The following KCNQ5 variants were observed in gnomAD, a reference collection of about 807,000 sequenced individuals.
KCNQ5 encodes potassium voltage-gated channel subfamily KQT member 5.
A neutral mutation model predicts 98.2 loss-of-function variants in KCNQ5; 30 were observed. That is an observed-to-expected ratio of 0.31 (90% CI 0.23 to 0.41). KCNQ5 has a LOEUF of 0.41. Ranked by LOEUF, KCNQ5 falls within the 10% of genes least tolerant of loss-of-function variation. The probability of loss-of-function intolerance (pLI) is 1.00; values close to 1 mark genes in which losing one functional copy is unlikely to be tolerated. For synonymous variants in KCNQ5, 458 were observed against 449.4 expected (o/e 1.02, Z -0.24); for missense variants, 835 against 1,182.5 (o/e 0.71, Z 4.31).
chr6:72,922,818 T>TTTTTC (rs1279194267), intron 1 of KCNQ5, among the ~76,000 whole-genome samples: 4 of 141,594 alleles, frequency 2.8e-5, no homozygotes, highest in Non-Finnish European at 4.6e-5. Context: ...TTCTTTTTTT[T>TTTTTC]TTTTTTTTTT....
intron 3 of KCNQ5, among the ~76,000 whole-genome samples, chr6:73,050,300 A>AAGGAAGGAAGGAAGGG (rs1772169967): frequency 7.7e-6 from 1 of 130,310 alleles, no homozygotes; most frequent in African/African-American, 2.9e-5. Context: ...GGAAGGAAGG[A>AAGGAAGGAAGGAAGGG]AGGAAGGAAG....
rs769303139 is a variant in KCNQ5 at position 73,194,848 on chromosome 6, C to G, written c.2233C>G (p.Pro745Ala). Residue 745 changes from proline to alanine, a missense_variant, in exon 14 of 14, where the codon CCA becomes GCA. By Grantham distance (27) the Pro-to-Ala change is conservative. Coordinates refer to ENST00000370398, the MANE Select transcript of KCNQ5 (RefSeq NM_019842.4). ...AAATACGGCACCCAAGCCAGCAGCCCCAACAACTTTACAGATCCCACCTCC... is the reference window on the plus strand; with the variant it reads ...AAATACGGCACCCAAGCCAGCAGCCGCAACAACTTTACAGATCCCACCTCC... ...QINTAPKPAA[P>A]TTLQIPPPLP... 1 of 1,614,134 alleles carries G rather than the reference C, an allele frequency of 6.2e-7. No individual in the cohort carries two copies. The highest frequency in any genetic ancestry group is 1.3e-5 in the African/African-American group (1 of 75,032).
intron 1 of KCNQ5, among the ~76,000 whole-genome samples, chr6:72,885,496 A>G (rs1778813622): frequency 6.6e-6 from 1 of 152,208 alleles, no homozygotes; most frequent in African/African-American, 2.4e-5. Flanking sequence ...AATGTACTAA[A>G]TATTATAAAA....
At chr6:72,735,924 T>C (rs1582193866) in intron 1 of KCNQ5, among the ~76,000 whole-genome samples, 1 of 152,138 alleles carries the variant, frequency 6.6e-6, no homozygotes, top group African/African-American at 2.4e-5. Flanking sequence ...CTTTTTAAGC[T>C]AAAAACTTAA....
chr6:72,799,615 G>A (rs1466953013), intron 1 of KCNQ5, among the ~76,000 whole-genome samples: 1 of 152,204 alleles, frequency 6.6e-6, no homozygotes, highest in Admixed American at 6.5e-5. Flanking sequence ...CTACAGTCCA[G>A]TCTAGTAACA....
chr6:73,034,876 C>G (rs1258348779), intron 2 of KCNQ5, among the ~76,000 whole-genome samples: 3 of 139,768 alleles, frequency 2.1e-5, no homozygotes, highest in South Asian at 2.3e-4. Flanking sequence ...GACAGTATCT[C>G]GCTCTGTTGC....
intron 1 of KCNQ5, among the ~76,000 whole-genome samples, chr6:72,683,460 C>G (rs372391949): frequency 6.0e-5 from 9 of 150,484 alleles, no homozygotes; most frequent in Admixed American, 5.3e-4. Flanking sequence ...CTCTGCCTCC[C>G]GGGTTCACGC....
At chr6:72,965,584 ATC>A in intron 1 of KCNQ5, among the ~76,000 whole-genome samples, 1 of 152,284 alleles carries the variant, frequency 6.6e-6, no homozygotes, top group East Asian at 1.9e-4. Flanking sequence ...GAAGTGTGTC[ATC>A]TGAGCAGATG....
intron 3 of KCNQ5, among the ~76,000 whole-genome samples, chr6:73,063,728 TA>T (rs61074153): frequency 0.05 from 5,925 of 118,928 alleles, 285 homozygotes; most frequent in African/African-American, 0.13. Flanking sequence ...AGATGATAGA[TA>T]GATAGATAGA....
chr6:73,057,197 A>T (rs1406160199), intron 3 of KCNQ5, among the ~76,000 whole-genome samples: 3 of 152,144 alleles, frequency 2.0e-5, no homozygotes, highest in African/African-American at 7.2e-5. Flanking sequence ...ATGAAGCTGG[A>T]AACCATCATT....
intron 1 of KCNQ5, among the ~76,000 whole-genome samples, chr6:72,798,220 A>C (rs1774442488): frequency 6.6e-6 from 1 of 152,194 alleles, no homozygotes; most frequent in African/African-American, 2.4e-5. Context: ...GATACTTCTT[A>C]TCTCAATATT....
chr6:73,127,069 T>G (rs907521191), intron 9 of KCNQ5, among the ~76,000 whole-genome samples: 2 of 152,208 alleles, frequency 1.3e-5, no homozygotes, highest in South Asian at 4.1e-4. Context: ...GAATTTATAA[T>G]CCTGCATAAT....
chr6:73,020,120 C>T (rs868020251), intron 2 of KCNQ5, among the ~76,000 whole-genome samples: 11 of 152,210 alleles, frequency 7.2e-5, no homozygotes, highest in Middle Eastern at 3.4e-3. Context: ...TGGGTGTCCT[C>T]TAATTCAATT....
chr6:73,098,678 A>C lies in KCNQ5; in HGVS notation c.919-6579A>C, dbSNP rs1050875713. On this transcript the variant is annotated intron_variant, in intron 5 of 13. Coordinates refer to ENST00000370398, the MANE Select transcript of KCNQ5 (RefSeq NM_019842.4). ...CAAAAATAGCCTTCATGAAGGAGAA[A>C]TAAAGACTTTCCCAGACAAACAAAA... 2.0e-5 allele frequency among the ~76,000 whole-genome samples: 3 copies of C among 152,200 alleles called. No homozygotes were observed. In the South Asian group the frequency reaches 6.2e-4, roughly 31 times the overall value.
intron 11 of KCNQ5, among the ~76,000 whole-genome samples, chr6:73,170,686 C>G (rs1232139413): frequency 6.6e-6 from 1 of 152,100 alleles, no homozygotes; most frequent in African/African-American, 2.4e-5. Context: ...GTAATCCCAG[C>G]ACTTTCGGAG....
intron 1 of KCNQ5, among the ~76,000 whole-genome samples, chr6:72,938,554 A>AT (rs35080104): frequency 4.0e-5 from 6 of 150,976 alleles, no homozygotes; most frequent in African/African-American, 1.2e-4. Context: ...TAATTCTTGT[A>AT]TTTTTTTTTT....
intron 10 of KCNQ5, among the ~76,000 whole-genome samples, chr6:73,162,336 T>C (rs1310533234): frequency 6.6e-6 from 1 of 152,220 alleles, no homozygotes; most frequent in Non-Finnish European, 1.5e-5. Flanking sequence ...AGTTGTATTT[T>C]ATATTTATTT....
chr6:72,961,175 T>A (rs1346021352), intron 1 of KCNQ5, among the ~76,000 whole-genome samples: 1 of 152,190 alleles, frequency 6.6e-6, no homozygotes, highest in Non-Finnish European at 1.5e-5. Context: ...AACTGAAAAG[T>A]AAATATAATG....
At chr6:72,984,352 T>A (rs955318757) in intron 1 of KCNQ5, among the ~76,000 whole-genome samples, 1 of 152,208 alleles carries the variant, frequency 6.6e-6, no homozygotes, top group African/African-American at 2.4e-5. Flanking sequence ...CTTGTTGAGC[T>A]GCGTGGGCTC....
Sources: gnomAD v4.1 joint callset for allele counts (sites outside exome capture counted in the v4.1 genomes callset) on GRCh38, gnomAD v4.1.1 for gene constraint, MANE v1.5 for transcripts, NCBI Gene and HGNC (gene_info 2026-07-23, HGNC 2026-07-21) for gene names.